NALCN: variants seen among roughly 807,000 people sequenced by gnomAD.
NALCN encodes the protein sodium leak channel NALCN.
In NALCN, 111 loss-of-function variants were observed where a neutral mutation model predicts 225.3. That is an observed-to-expected ratio of 0.49 (90% CI 0.42 to 0.58). NALCN has a LOEUF of 0.58. NALCN is among the 20% of genes least tolerant of loss of function. The probability of loss-of-function intolerance (pLI) is 0.00; values close to 1 mark genes in which losing one functional copy is unlikely to be tolerated. For missense variants in NALCN, 1,378 were observed against 2,202.4 expected (o/e 0.63, Z 7.49); for synonymous variants, 764 against 769.0 (o/e 0.99, Z 0.11).
chr13:101,377,168 A>C lies in NALCN; in HGVS notation c.376-112T>G, dbSNP rs962739044. 3 of 1,328,950 alleles carry C rather than the reference A, an allele frequency of 2.3e-6. No homozygotes were observed. The South Asian group carries it at 4.3e-5, about 19-fold the overall frequency. 82.3% of individuals were successfully genotyped at this position (1,328,950 alleles called of 1,614,324 possible). The stretch of plus-strand genomic sequence containing the variant: ...GTAGGTGCACCTCTACTCTGAATTT[A>C]GCCATACATTATTTTCCACCAAAAT... On this transcript the variant is annotated intron_variant, in intron 4 of 43. Transcript: ENST00000251127.
intron 15 of NALCN, among the ~76,000 whole-genome samples, chr13:101,151,155 G>C (rs759352510): frequency 2.6e-5 from 4 of 152,216 alleles, no homozygotes; most frequent in Non-Finnish European, 5.9e-5. Flanking sequence ...GCCTGGCTGA[G>C]ATATCATTAC....
In NALCN at chr13:101,100,814, G is replaced by C. The variant is rs1342299083; in HGVS notation, c.3132C>G (p.Ala1044=). 6.2e-7 allele frequency: 1 copy of C among 1,610,612 alleles called. No homozygotes were observed. The highest frequency in any genetic ancestry group is 1.7e-5 in the Admixed American group (1 of 59,610). The change falls in exon 27 of 44, where the codon GCC becomes GCG. Residue 1044 remains alanine, a synonymous_variant. Transcript: ENST00000251127. ...FGVQLFAGKL[A]KCNDPNIIRR... is the part of the protein sequence containing the mutation. The stretch of plus-strand genomic sequence containing the variant: ...TAATAATGTTGGGATCATTGCACTT[G>C]GCCAGTTTTCCAGCAAAAAGCTGAA...
intron 15 of NALCN, among the ~76,000 whole-genome samples, chr13:101,167,902 G>C (rs1477835714): frequency 2.0e-5 from 3 of 151,264 alleles, no homozygotes; most frequent in Non-Finnish European, 4.4e-5. Flanking sequence ...CTTTATTTGT[G>C]GCTTAAGTTC....
chr13:101,251,964 A>G (rs1474776137), intron 11 of NALCN, among the ~76,000 whole-genome samples: 5 of 152,222 alleles, frequency 3.3e-5, no homozygotes, highest in Admixed American at 3.3e-4. Flanking sequence ...ACACGGATTT[A>G]ATAACTAAAA....
intron 10 of NALCN, among the ~76,000 whole-genome samples, chr13:101,280,293 CAT>C (rs2043124455): frequency 6.6e-6 from 1 of 152,140 alleles, no homozygotes; most frequent in African/African-American, 2.4e-5. Context: ...AGTTTCTAAG[CAT>C]ATGAGTCACA....
intron 12 of NALCN, among the ~76,000 whole-genome samples, chr13:101,231,260 C>CA (rs1001866880): frequency 9.2e-4 from 136 of 148,554 alleles, no homozygotes; most frequent in African/African-American, 2.8e-3. Context: ...CTCACATTTG[C>CA]AAAAAAAAAT....
intron 1 of NALCN, among the ~76,000 whole-genome samples, chr13:101,412,706 C>T (rs991745218): frequency 6.6e-6 from 1 of 152,220 alleles, no homozygotes; most frequent in Admixed American, 6.5e-5. Context: ...CCTGTTCCAT[C>T]TATACTGAAT....
intron 13 of NALCN, among the ~76,000 whole-genome samples, chr13:101,209,312 T>G (rs2095795089): frequency 6.6e-6 from 1 of 152,156 alleles, no homozygotes; most frequent in Admixed American, 6.5e-5. Context: ...CAGGAATAAT[T>G]ATGCTTCTCT....
At chr13:101,365,685 C>T (rs562677447) in intron 6 of NALCN, among the ~76,000 whole-genome samples, 117 of 152,192 alleles carry the variant, frequency 7.7e-4, no homozygotes, top group African/African-American at 2.7e-3. Flanking sequence ...GCATTGTCTA[C>T]ATTGAGATTC....
chr13:101,109,506 T>C (rs2035316887), intron 20 of NALCN, among the ~76,000 whole-genome samples: 1 of 152,158 alleles, frequency 6.6e-6, no homozygotes, highest in Non-Finnish European at 1.5e-5. Flanking sequence ...AAATAAGAGA[T>C]AAGTGGTGAA....
chr13:101,216,652 T>G (rs560734768), intron 13 of NALCN, among the ~76,000 whole-genome samples: 1 of 152,294 alleles, frequency 6.6e-6, no homozygotes, highest in South Asian at 2.1e-4. Flanking sequence ...CTATTAAAAA[T>G]GTCACACACT....
intron 17 of NALCN, among the ~76,000 whole-genome samples, chr13:101,132,374 T>C (rs761851567): frequency 4.6e-5 from 7 of 152,136 alleles, no homozygotes; most frequent in Non-Finnish European, 8.8e-5. Flanking sequence ...TCTAGGACAC[T>C]GATGTGTATA....
At chr13:101,201,509 T>G (rs1331025887) in intron 13 of NALCN, among the ~76,000 whole-genome samples, 1 of 152,210 alleles carries the variant, frequency 6.6e-6, no homozygotes, top group Non-Finnish European at 1.5e-5. Context: ...CCAAATAATA[T>G]TTTATTAATG....
intron 6 of NALCN, among the ~76,000 whole-genome samples, chr13:101,359,127 T>C (rs937592329): frequency 2.6e-5 from 4 of 152,146 alleles, no homozygotes; most frequent in African/African-American, 9.7e-5. Context: ...CAAACCACCA[T>C]GGCACATGTA....
intron 2 of NALCN, among the ~76,000 whole-genome samples, chr13:101,397,400 G>A (rs1049742910): frequency 4.0e-5 from 6 of 149,858 alleles, no homozygotes; most frequent in Non-Finnish European, 7.4e-5. Context: ...ATAGTCTCAC[G>A]TATATAACAT....
In NALCN at chr13:101,292,426, T is replaced by C; in HGVS notation, c.800-60A>G. The C allele has an allele frequency of 2.6e-6, 4 of 1,521,496 alleles. No individual in the cohort carries two copies. The highest frequency in any genetic ancestry group is 3.5e-6 in the Non-Finnish European group (4 of 1,127,298). The allele number at this position is 1,521,496 out of a possible 1,614,324, so 94.2% of individuals were successfully genotyped here. A position where few individuals can be genotyped will look rare whatever the true frequency, so the allele number is the denominator to read the frequency against. On this transcript the variant is annotated intron_variant, in intron 7 of 43. Transcript: ENST00000251127. The surrounding 1 kb of genome is among the most constrained non-coding windows in gnomAD (Gnocchi z 4.3). ...CTGACTTTTGAAATAAGAAAGCATT[T>C]TCCAGAAAAACAATCAATATTTATC... is the stretch of plus-strand genomic sequence containing the variant.
chr13:101,144,381 C>T (rs1401866625), intron 16 of NALCN, among the ~76,000 whole-genome samples: 5 of 152,276 alleles, frequency 3.3e-5, no homozygotes, highest in Admixed American at 6.5e-5. Flanking sequence ...AAAAGGGCCA[C>T]AGAGGCAATT....
intron 13 of NALCN, among the ~76,000 whole-genome samples, chr13:101,198,551 C>T (rs896317038): frequency 2.3e-4 from 35 of 152,206 alleles, no homozygotes; most frequent in Non-Finnish European, 4.0e-4. Flanking sequence ...TGCTCATCAT[C>T]ACTGGCCATC....
chr13:101,225,968 C>A (rs35534810), intron 13 of NALCN, among the ~76,000 whole-genome samples: 25,588 of 151,950 alleles, frequency 0.17, 2,394 homozygotes, highest in East Asian at 0.36. Flanking sequence ...CTCCCACAAT[C>A]AACCCAAGAC....
Sources: gnomAD v4.1 joint callset for allele counts (sites outside exome capture counted in the v4.1 genomes callset) on GRCh38, gnomAD v4.1.1 for gene constraint, Gnocchi (gnomAD v3.1) non-coding constraint, MANE v1.5 for transcripts, NCBI Gene and HGNC (gene_info 2026-07-23, HGNC 2026-07-21) for gene names.